The following HEMK2 variants were observed in gnomAD, a reference collection of about 807,000 sequenced individuals.
HEMK2 encodes the protein methyltransferase HEMK2.
chr21:28,751,067 G>A, the HEMK2 span, among the ~76,000 whole-genome samples: 9 of 151,798 alleles, frequency 5.9e-5, no homozygotes, highest in East Asian at 1.6e-3. Context: ...CCGTCTCTAT[G>A]AAAAATACAA....
chr21:28,769,756 A>C, the HEMK2 span, among the ~76,000 whole-genome samples: 1 of 152,120 alleles, frequency 6.6e-6, no homozygotes, highest in African/African-American at 2.4e-5. Flanking sequence ...CACATACTAA[A>C]GTTATCTAGG....
At chr21:28,683,746 AAAT>A in the HEMK2 span, among the ~76,000 whole-genome samples, 1 of 152,240 alleles carries the variant, frequency 6.6e-6, no homozygotes, top group African/African-American at 2.4e-5. Context: ...ATATTGTAAA[AAAT>A]AATGCCAACA....
At chr21:28,765,525 G>A in the HEMK2 span, among the ~76,000 whole-genome samples, 1 of 152,012 alleles carries the variant, frequency 6.6e-6, no homozygotes, top group Non-Finnish European at 1.5e-5. Context: ...TAAGAATTTT[G>A]CTATTTATAT....
chr21:28,608,466 G>A, the HEMK2 span, among the ~76,000 whole-genome samples: 1 of 151,384 alleles, frequency 6.6e-6, no homozygotes, highest in African/African-American at 2.4e-5. Context: ...CTCCCACTCA[G>A]ATGGACAGAG....
chr21:28,716,359 T>C, the HEMK2 span, among the ~76,000 whole-genome samples: 1 of 152,138 alleles, frequency 6.6e-6, no homozygotes, highest in Admixed American at 6.5e-5. Flanking sequence ...CTTGACTAGA[T>C]GTATTCCTAG....
At chr21:28,611,376 A>G in the HEMK2 span, among the ~76,000 whole-genome samples, 1 of 152,202 alleles carries the variant, frequency 6.6e-6, no homozygotes, top group Admixed American at 6.5e-5. Flanking sequence ...ATAACCTATC[A>G]AAACCTCTTG....
the HEMK2 span, among the ~76,000 whole-genome samples, chr21:28,744,087 G>A: frequency 6.6e-6 from 1 of 151,876 alleles, no homozygotes; most frequent in African/African-American, 2.4e-5. Flanking sequence ...GCCTACTTGA[G>A]GGTGGGGGCT....
chr21:28,603,543 A>AGATGTGTG, the HEMK2 span, among the ~76,000 whole-genome samples: 205 of 101,300 alleles, frequency 2.0e-3, no homozygotes, highest in African/African-American at 7.9e-3. Flanking sequence ...TTTACTGAGG[A>AGATGTGTG]TATATATGTG....
the HEMK2 span, among the ~76,000 whole-genome samples, chr21:28,691,586 C>T: frequency 6.6e-6 from 1 of 152,088 alleles, no homozygotes; most frequent in Non-Finnish European, 1.5e-5. Flanking sequence ...CTGCAATCAG[C>T]CATTTCTCCA....
chr21:28,718,547 G>C, the HEMK2 span, among the ~76,000 whole-genome samples: 1 of 151,914 alleles, frequency 6.6e-6, no homozygotes, highest in Non-Finnish European at 1.5e-5. Flanking sequence ...ATTACTGTGT[G>C]GCTAAGTCTT....
At chr21:28,655,635 G>A in the HEMK2 span, among the ~76,000 whole-genome samples, 6 of 151,930 alleles carry the variant, frequency 3.9e-5, no homozygotes, top group Non-Finnish European at 5.9e-5. Context: ...CTCTAGGCTT[G>A]AATTTCCCAA....
At chr21:28,841,372 T>A in the HEMK2 span, among the ~76,000 whole-genome samples, 1 of 34,768 alleles carries the variant, frequency 2.9e-5, no homozygotes. Context: ...TTATATAAAA[T>A]ATTATATATA....
chr21:28,631,978 C>G, the HEMK2 span, among the ~76,000 whole-genome samples: 1 of 152,118 alleles, frequency 6.6e-6, no homozygotes, highest in South Asian at 2.1e-4. Flanking sequence ...ACAACAGTAT[C>G]CAGTAAACAC....
chr21:28,851,257 G>A, the HEMK2 span, among the ~76,000 whole-genome samples: 6 of 152,182 alleles, frequency 3.9e-5, no homozygotes, highest in East Asian at 3.9e-4. Flanking sequence ...GGCTCCAAAC[G>A]GCATCCCTAT....
chr21:28,690,362 T>C, the HEMK2 span, among the ~76,000 whole-genome samples: 1 of 152,142 alleles, frequency 6.6e-6, no homozygotes, highest in Non-Finnish European at 1.5e-5. Context: ...CTGAATGAAC[T>C]TGGAAGTGAG....
At chr21:28,641,094 A>T in the HEMK2 span, among the ~76,000 whole-genome samples, 1 of 151,660 alleles carries the variant, frequency 6.6e-6, no homozygotes, top group Non-Finnish European at 1.5e-5. Context: ...TGCTTTTTTC[A>T]TCTGTCATTT....
At chr21:28,885,040 CTTGTAGCT>C in the HEMK2 span, among the ~76,000 whole-genome samples, 70 of 152,194 alleles carry the variant, frequency 4.6e-4, no homozygotes, top group Non-Finnish European at 8.4e-4. Context: ...ACACTCATTA[CTTGTAGCT>C]ACAGGAAAAT....
At chr21:28,757,856 TAA>T in the HEMK2 span, among the ~76,000 whole-genome samples, 1 of 152,280 alleles carries the variant, frequency 6.6e-6, no homozygotes, top group South Asian at 2.1e-4. Context: ...TTCCTGGGTA[TAA>T]GAGACAGACT....
chr21:28,829,356 A>G, the HEMK2 span, among the ~76,000 whole-genome samples: 1 of 152,296 alleles, frequency 6.6e-6, no homozygotes, highest in South Asian at 2.1e-4. Flanking sequence ...GTAGGTTCCA[A>G]TGAGAGGTAA....
Sources: allele counts gnomAD v4.1 joint callset (sites outside exome capture counted in the v4.1 genomes callset), GRCh38; gene constraint gnomAD v4.1.1; transcripts MANE v1.5; gene names NCBI Gene and HGNC (gene_info 2026-07-23, HGNC 2026-07-21).